The following GEMIN7 variants were observed in gnomAD, a reference collection of about 807,000 sequenced individuals.
The protein encoded by GEMIN7 is gem-associated protein 7.
In GEMIN7, 7 loss-of-function variants were observed where a neutral mutation model predicts 7.8. That is an observed-to-expected ratio of 0.90 (90% CI 0.51 to 1.69). GEMIN7 has a LOEUF of 1.69. Among genes scored for constraint, GEMIN7 ranks in the 40% most tolerant of loss-of-function variants. GEMIN7 has a pLI of 0.00. For synonymous variants in GEMIN7, 68 were observed against 72.4 expected, an observed-to-expected ratio of 0.94 and a Z score of 0.31; for missense variants, 159 against 176.2, an observed-to-expected ratio of 0.90 and a Z score of 0.55.
At chr19:45,075,934 G>C, upstream of GEMIN7, 1 of 1,597,408 alleles carries the variant, frequency 6.3e-7, no homozygotes, top group African/African-American at 1.3e-5. Flanking sequence ...AAGGAGAGGG[G>C]AAACCGAAGG....
At chr19:45,076,252 T>C (rs373655506), upstream of GEMIN7, 46 of 1,503,564 alleles carry the variant, frequency 3.1e-5, no homozygotes, top group African/African-American at 6.3e-4. This position sits in a 1 kb window ranked among gnomAD's most constrained non-coding sequence, Gnocchi z 4.9. Context: ...CTGTTGGGGC[T>C]GCGCGTCTGG....
chr19:45,090,179 G>A lies in GEMIN7; in HGVS notation c.65G>A (p.Ser22Asn). Residue 22 changes from serine (S) to asparagine (N), a missense_variant, in exon 3 of 3, where the codon AGC (serine) becomes AAC (asparagine). Ser to Asn is a conservative substitution (Grantham distance 46). Transcript: ENST00000270257. ...CTGCCCCGGGGCCCTGATGGCTTCAGCCGTGGCTTTGCCCCTGATGGACGC... is the reference window on the plus strand; with the variant it reads ...CTGCCCCGGGGCCCTGATGGCTTCAACCGTGGCTTTGCCCCTGATGGACGC... ...LRLPRGPDGFSRGFAPDGRRA... is the reference protein window; with the variant it reads ...LRLPRGPDGFNRGFAPDGRRA... 1 of 1,614,174 alleles carries A rather than the reference G, an allele frequency of 6.2e-7. No individual in the cohort carries two copies. The highest frequency in any genetic ancestry group is 2.2e-5 in the East Asian group (1 of 44,890).
rs1329606675 is a variant in GEMIN7, at chr19:45,090,325, C to A, written c.211C>A (p.Leu71Met). Residue 71 changes from leucine (L) to methionine (M), a missense_variant, in exon 3 of 3, where the codon CTG becomes ATG. Physicochemically the swap from Leu to Met is conservative, Grantham distance 15 (BLOSUM62 2). Transcript: ENST00000270257. ...TCGGGAGCGTTACCTCCGCAGCCTG[C>A]TGGCCATGGTGGGTCATCAGGTGAG... ...ALRERYLRSL[L>M]AMVGHQVSFT... 1 of 1,614,192 alleles carries A rather than the reference C, an allele frequency of 6.2e-7. No individual in the cohort carries two copies. Among genetic ancestry groups the A allele is most frequent in the East Asian group, 2.2e-5 (1 of 44,888 alleles).
chr19:45,090,417 C>T lies in GEMIN7; in HGVS notation c.303C>T (p.Asn101=). The change falls in exon 3 of 3, where the codon AAC becomes AAT. Residue 101 remains asparagine (N), a synonymous_variant. Transcript: ENST00000270257. Reference sequence around the variant, plus strand: ...GAGCCACCGACCTGGATGTGGCCAACTTCTACGTGTCACAGCTGCAGACTC... The same window carrying T: ...GAGCCACCGACCTGGATGTGGCCAATTTCTACGTGTCACAGCTGCAGACTC... The part of the protein sequence containing the change: ...HFGATDLDVA[N]FYVSQLQTPI... The T allele has an allele frequency of 6.2e-7, 1 of 1,614,156 alleles. No individual in the cohort carries two copies. Among genetic ancestry groups the T allele is most frequent in the East Asian group, 2.2e-5 (1 of 44,890 alleles).
At chr19:45,084,797 C>T (rs1428502922) in intron 2 of GEMIN7, among the ~76,000 whole-genome samples, 1 of 152,228 alleles carries the variant, frequency 6.6e-6, no homozygotes, top group African/African-American at 2.4e-5. Flanking sequence ...CTCTTGTTGC[C>T]TAGGCTGGAG....
Position 45,090,048 on chromosome 19 carries a change from C to T in GEMIN7, c.-8-59C>T, listed in dbSNP as rs878931180. 1.4e-4 allele frequency: 209 copies of T among 1,520,856 alleles called. 6 individuals carry two copies. The South Asian group carries it at 2.1e-3, about 15-fold the overall frequency. The allele number at this position is 1,520,856 out of a possible 1,614,324, so 94.2% of individuals were successfully genotyped here. On this transcript the variant is annotated intron_variant, in intron 2 of 2. Coordinates refer to ENST00000270257, the MANE Select transcript of GEMIN7 (RefSeq NM_024707.3). ...CAGCCTCTGCTTCCACTCCTCCCTC[C>T]TCCATTAGCCCCATGCTTACCATGT...
chr19:45,089,937 C>A, intron 2 of GEMIN7, 170 bp from the exon 3 acceptor site: 1 of 646,028 alleles, frequency 1.5e-6, no homozygotes. Flanking sequence ...ACTTTTGTTT[C>A]TGATCCAAGC....
In GEMIN7 at chr19:45,079,301, G is replaced by C. The variant is rs1967420240; in HGVS notation, c.-208G>C. 6.6e-6 allele frequency: 1 copy of C among 152,640 alleles called. No homozygotes were observed. The highest frequency in any genetic ancestry group is 1.5e-5 in the Non-Finnish European group (1 of 68,402). 9.5% of individuals were successfully genotyped at this position (152,640 alleles called of 1,614,324 possible). On this transcript the variant is annotated 5_prime_UTR_variant, in exon 1 of 3. Transcript: ENST00000270257. Reference sequence around the variant, plus strand: ...CTCGGTGAGTACAAGGTGGTGGGGGGTCGCCAGCAGGTTCCCTCTCCCCGG... The same window carrying C: ...CTCGGTGAGTACAAGGTGGTGGGGGCTCGCCAGCAGGTTCCCTCTCCCCGG...
Position 45,090,161 on chromosome 19 carries a change from G to T in GEMIN7, c.47G>T (p.Arg16Leu), listed in dbSNP as rs765001739. 1.2e-6 allele frequency: 2 copies of T among 1,613,942 alleles called. No homozygotes were observed. The highest frequency in any genetic ancestry group is 2.2e-5 in the East Asian group (1 of 44,884). The change falls in exon 3 of 3, where the codon CGG (arginine) becomes CTG (leucine). Residue 16 changes from arginine (R) to leucine (L), a missense_variant. Arg to Leu is a moderately radical substitution (Grantham distance 102). Transcript: ENST00000270257. ...CCCGTGCCTGTGCTCCGGCTGCCCC[G>T]GGGCCCTGATGGCTTCAGCCGTGGC... ...NIPVPVLRLP[R>L]GPDGFSRGFA...
chr19:45,084,447 G>C (rs1335533863), intron 2 of GEMIN7, among the ~76,000 whole-genome samples: 1 of 152,110 alleles, frequency 6.6e-6, no homozygotes, highest in African/African-American at 2.4e-5. Context: ...GTGTTGTCCA[G>C]GCTGGAGTGC....
intron 2 of GEMIN7, among the ~76,000 whole-genome samples, chr19:45,089,352 A>G (rs1162121303): frequency 2.6e-5 from 4 of 152,060 alleles, no homozygotes; most frequent in Non-Finnish European, 5.9e-5. Context: ...TATTATTGGT[A>G]TGGATTCTGG....
Position 45,087,690 on chromosome 19 carries a change from C to T in GEMIN7, c.-8-2417C>T, listed in dbSNP as rs576750512. On this transcript the variant is annotated intron_variant, in intron 2 of 2. Coordinates refer to ENST00000270257, the MANE Select transcript of GEMIN7 (RefSeq NM_024707.3). ...TACACCACGAGGGTGCCGGCAGGAT[C>T]CAGAGCTAAGACAGAAGCCACAAGA... 3.3e-5 allele frequency among the ~76,000 whole-genome samples: 5 copies of T among 152,146 alleles called. No individual in the cohort carries two copies. In the East Asian group the frequency reaches 7.7e-4, roughly 24 times the overall value.
At chr19:45,076,201 G>A (rs138387155), upstream of GEMIN7, 1,300 of 1,508,460 alleles carry the variant, frequency 8.6e-4, 7 homozygotes, top group African/African-American at 0.016. The surrounding 1 kb of genome is among the most constrained non-coding windows in gnomAD (Gnocchi z 4.9). Flanking sequence ...CCGCCCCGCC[G>A]AGGACACCTC....
At chr19:45,080,065 TG>T (rs1327018900) in intron 2 of GEMIN7, 36 bp downstream of exon 2, 3 of 152,238 alleles carry the variant, frequency 2.0e-5, no homozygotes, top group Non-Finnish European at 4.4e-5. Context: ...TTGACCTAAG[TG>T]TTGGGCTCTT....
chr19:45,083,891 G>T (rs564199550), intron 2 of GEMIN7, among the ~76,000 whole-genome samples: 1 of 151,770 alleles, frequency 6.6e-6, no homozygotes, highest in Non-Finnish European at 1.5e-5. Context: ...GAGCCACCTC[G>T]TGCCCAGCTG....
intron 2 of GEMIN7, among the ~76,000 whole-genome samples, chr19:45,081,451 C>T (rs1362273127): frequency 2.0e-5 from 3 of 147,712 alleles, no homozygotes; most frequent in Non-Finnish European, 4.5e-5. Flanking sequence ...AGTGAGACTC[C>T]GTCTTAAAAA....
upstream of GEMIN7, among the ~76,000 whole-genome samples, chr19:45,077,901 T>A (rs1053665428): frequency 1.1e-4 from 16 of 151,722 alleles, no homozygotes; most frequent in Non-Finnish European, 1.8e-4. Context: ...TCAAAAAAAA[T>A]TATTTTTAAA....
rs546170958 is a variant in GEMIN7 at position 45,090,666 on chromosome 19, G to A, written c.*156G>A. 1.5e-6 allele frequency: 1 copy of A among 648,582 alleles called. No homozygotes were observed. The allele number at this position is 648,582 out of a possible 1,614,324, so 40.2% of individuals were successfully genotyped here. A position where few individuals can be genotyped will look rare whatever the true frequency, so the allele number is the denominator to read the frequency against. ...AGTCTGGACTCCTGAGACCTCCTGGGTCTAGTCAGTAAAATTCTGCAACTC... is the reference window on the plus strand; with the variant it reads ...AGTCTGGACTCCTGAGACCTCCTGGATCTAGTCAGTAAAATTCTGCAACTC... On this transcript the variant is annotated 3_prime_UTR_variant, in exon 3 of 3. Transcript: ENST00000270257.
At chr19:45,075,736 C>T, upstream of GEMIN7, 1 of 1,614,082 alleles carries the variant, frequency 6.2e-7, no homozygotes, top group Non-Finnish European at 8.5e-7. Flanking sequence ...GCGGCTGGGG[C>T]CTCTGAAGAG....
Sources: gnomAD v4.1 joint callset for allele counts (sites outside exome capture counted in the v4.1 genomes callset) on GRCh38, gnomAD v4.1.1 for gene constraint, Gnocchi (gnomAD v3.1) non-coding constraint, MANE v1.5 for transcripts, NCBI Gene and HGNC (gene_info 2026-07-23, HGNC 2026-07-21) for gene names.